COLEC11: variants seen among roughly 807,000 people sequenced by gnomAD.
COLEC11 encodes the protein collectin-11.
Under a neutral mutation model 27.3 loss-of-function variants are expected in COLEC11, and 20 were observed. The ratio of observed to expected loss-of-function variants is 0.73; its 90% CI spans 0.51 to 1.06. The LOEUF is 1.06. COLEC11 is among the 50% of genes least tolerant of loss of function. COLEC11 has a pLI of 0.00. For synonymous variants in COLEC11, 163 were observed against 154.7 expected, an observed-to-expected ratio of 1.05 and a Z score of -0.40; for missense variants, 310 against 383.0, an observed-to-expected ratio of 0.81 and a Z score of 1.59.
intron 4 of COLEC11, among the ~76,000 whole-genome samples, chr2:3,638,844 A>C (rs1408374589): frequency 1.3e-5 from 2 of 152,254 alleles, no homozygotes; most frequent in Non-Finnish European, 2.9e-5. Context: ...TGCCATTTTA[A>C]GTATTTTAAG....
At chr2:3,621,850 A>G (rs1266462919) in intron 3 of COLEC11, among the ~76,000 whole-genome samples, 1 of 152,186 alleles carries the variant, frequency 6.6e-6, no homozygotes. Context: ...TGTTTTTGAT[A>G]TCACAATTTA....
At chr2:3,612,747 T>A (rs1365739054) in intron 2 of COLEC11, among the ~76,000 whole-genome samples, 1 of 152,132 alleles carries the variant, frequency 6.6e-6, no homozygotes, top group Non-Finnish European at 1.5e-5. Flanking sequence ...CTCTGTCTCC[T>A]GCACCTGCTG....
intron 2 of COLEC11, among the ~76,000 whole-genome samples, chr2:3,607,392 GA>G (rs1243366063): frequency 1.3e-5 from 2 of 149,262 alleles, no homozygotes; most frequent in East Asian, 4.0e-4. Flanking sequence ...GTGTTTCCCA[GA>G]AATATGAAAG....
At chr2:3,615,020 A>T (rs1476953693) in intron 3 of COLEC11, among the ~76,000 whole-genome samples, 1 of 152,226 alleles carries the variant, frequency 6.6e-6, no homozygotes, top group East Asian at 1.9e-4. Context: ...GGCTGAGAGC[A>T]GAATAAAATA....
At chr2:3,605,847 G>C (rs1662646988) in intron 2 of COLEC11, 1 of 452,272 alleles carries the variant, frequency 2.2e-6, no homozygotes, top group Non-Finnish European at 4.0e-6. Flanking sequence ...CGGACAGCTC[G>C]GGGCCACCCT....
intron 2 of COLEC11, 128 bp downstream of exon 2, chr2:3,604,598 C>A: frequency 1.0e-6 from 1 of 1,002,894 alleles, no homozygotes; most frequent in Non-Finnish European, 1.6e-6. Context: ...CATTGGGTCT[C>A]AGTTTCCCCA....
chr2:3,622,303 G>A (rs1452973687), intron 3 of COLEC11, among the ~76,000 whole-genome samples: 1 of 152,172 alleles, frequency 6.6e-6, no homozygotes, highest in Non-Finnish European at 1.5e-5. Context: ...ACTCCAGCCT[G>A]GGTGAGAGAG....
Position 3,640,439 on chromosome 2 carries a change from T to C in COLEC11, c.328+108T>C, listed in dbSNP as rs867560774. The C allele has an allele frequency of 4.0e-3, 2,131 of 530,344 alleles. 3 individuals are homozygous for C. The highest frequency in any genetic ancestry group is 0.025 in the African/African-American group (798 of 32,218). 32.9% of individuals were successfully genotyped at this position (530,344 alleles called of 1,614,324 possible). A position where few individuals can be genotyped will look rare whatever the true frequency, so the allele number is the denominator to read the frequency against. The stretch of plus-strand genomic sequence containing the variant: ...AGATCCCACAGTGGACACCCACCCC[T>C]GTCACATCCCACAGTGGACACCCAC... On this transcript the variant is annotated intron_variant, in intron 5 of 6. Transcript: ENST00000349077.
chr2:3,596,570 C>G (rs762218501), intron 1 of COLEC11, among the ~76,000 whole-genome samples: 3 of 152,104 alleles, frequency 2.0e-5, no homozygotes, highest in Non-Finnish European at 4.4e-5. Context: ...AACTCCTAAC[C>G]AGGTGATCTG....
chr2:3,596,337 A>G (rs1474416763), intron 1 of COLEC11, among the ~76,000 whole-genome samples: 1 of 132,772 alleles, frequency 7.5e-6, no homozygotes, highest in African/African-American at 2.9e-5. Context: ...TGTCTATTTC[A>G]TTTTTTTTTT....
chr2:3,607,200 A>T (rs1426003115), intron 2 of COLEC11, among the ~76,000 whole-genome samples: 2 of 151,982 alleles, frequency 1.3e-5, no homozygotes, highest in Non-Finnish European at 2.9e-5. Context: ...TTGAGATGAC[A>T]TTTATTTGCC....
At chr2:3,613,465 G>T in intron 3 of COLEC11, 83 bp downstream of exon 3, 1 of 1,437,888 alleles carries the variant, frequency 7.0e-7, no homozygotes, top group Non-Finnish European at 9.6e-7. Flanking sequence ...AGGTGGGGGT[G>T]GTGGTTCCAG....
In COLEC11 at chr2:3,637,617, C is replaced by A. The variant is rs773055523; in HGVS notation, c.274+13C>A. 1.2e-6 allele frequency: 2 copies of A among 1,607,862 alleles called. No individual in the cohort carries two copies. The highest frequency in any genetic ancestry group is 4.5e-5 in the East Asian group (2 of 44,864). On this transcript the variant is annotated intron_variant, in intron 4 of 6. Transcript: ENST00000349077. Reference sequence around the variant, plus strand: ...ATTGGCTCTAAAGGTATTTGCAATGCGATTCTTGCCTCATTTCCCCCCTGC... The same window carrying A: ...ATTGGCTCTAAAGGTATTTGCAATGAGATTCTTGCCTCATTTCCCCCCTGC...
At chr2:3,624,827 C>G (rs977659013) in intron 3 of COLEC11, among the ~76,000 whole-genome samples, 6 of 152,190 alleles carry the variant, frequency 3.9e-5, no homozygotes, top group Admixed American at 1.3e-4. Flanking sequence ...TAGAAAGCTC[C>G]TCTTCTGCCA....
rs1272861735 is a variant in COLEC11 at position 3,616,079 on chromosome 2, C to T, written c.202+2697C>T. ...GCAGAGACGCTCCTCACCTCCCAGACGGGGTGGCGGTCGGGCAGAGACACT... is the reference window on the plus strand; with the variant it reads ...GCAGAGACGCTCCTCACCTCCCAGATGGGGTGGCGGTCGGGCAGAGACACT... On this transcript the variant is annotated intron_variant, in intron 3 of 6. Coordinates refer to ENST00000349077, the MANE Select transcript of COLEC11 (RefSeq NM_024027.5). Among the ~76,000 whole-genome samples the T allele has an allele frequency of 9.3e-5, 14 of 150,960 alleles. No homozygotes were observed. In the South Asian group the frequency reaches 1.3e-3, roughly 14 times the overall value.
intron 4 of COLEC11, among the ~76,000 whole-genome samples, chr2:3,638,845 G>A (rs1322253799): frequency 1.3e-5 from 2 of 152,214 alleles, no homozygotes; most frequent in African/African-American, 4.8e-5. Flanking sequence ...GCCATTTTAA[G>A]TATTTTAAGT....
At position 3,644,085 on chromosome 2, in the gene COLEC11, C is replaced by T. The variant is rs1362277128; in HGVS notation, c.783C>T (p.Tyr261=). Residue 261 remains tyrosine (Y), a synonymous_variant, in exon 7 of 7, where the codon TAC becomes TAT. Coordinates refer to ENST00000349077, the MANE Select transcript of COLEC11 (RefSeq NM_024027.5). ...ACGTGGCCTGCCACACCACCATGTA[C>T]TTCATGTGTGAGTTTGACAAGGAGA... ...WNDVACHTTM[Y]FMCEFDKENM The T allele has an allele frequency of 1.2e-6, 2 of 1,613,404 alleles. No individual in the cohort carries two copies. Among genetic ancestry groups the T allele is most frequent in the East Asian group, 4.5e-5 (2 of 44,882 alleles).
At chr2:3,620,247 G>A (rs1361213835) in intron 3 of COLEC11, among the ~76,000 whole-genome samples, 1 of 151,908 alleles carries the variant, frequency 6.6e-6, no homozygotes, top group Non-Finnish European at 1.5e-5. Flanking sequence ...TTACAGATCT[G>A]TTCAAATTTA....
chr2:3,641,836 ACT>A (rs1665891432), intron 5 of COLEC11, among the ~76,000 whole-genome samples: 1 of 152,002 alleles, frequency 6.6e-6, no homozygotes, highest in Non-Finnish European at 1.5e-5. Context: ...GTGGGCTGAG[ACT>A]CTGCCCAGTG....
Sources: gnomAD v4.1 joint callset for allele counts (sites outside exome capture counted in the v4.1 genomes callset) on GRCh38, gnomAD v4.1.1 for gene constraint, MANE v1.5 for transcripts, NCBI Gene and HGNC (gene_info 2026-07-23, HGNC 2026-07-21) for gene names.